The following NIPAL2 variants were observed in gnomAD, a reference collection of about 807,000 sequenced individuals.
The protein encoded by NIPAL2 is NIPA like domain containing 2.
In NIPAL2, 43 loss-of-function variants were observed where a neutral mutation model predicts 48.9. The observed-to-expected ratio is 0.88, with a 90% CI of 0.69 to 1.13. The LOEUF (loss-of-function observed/expected upper bound fraction) is 1.13. Ranked by LOEUF, NIPAL2 falls within the 50% of genes most tolerant of loss-of-function variation. The pLI, the probability that NIPAL2 is intolerant of heterozygous loss-of-function variation, is 0.00. For missense variants in NIPAL2, 446 were observed against 461.4 expected (o/e 0.97, Z 0.31); for synonymous variants, 167 against 174.6 (o/e 0.96, Z 0.34).
chr8:98,220,797 A>G (rs1260688080), intron 5 of NIPAL2, among the ~76,000 whole-genome samples: 1 of 151,928 alleles, frequency 6.6e-6, no homozygotes, highest in Non-Finnish European at 1.5e-5. Context: ...TTCTTATTAC[A>G]TACCCTTCCT....
chr8:98,281,603 T>C (rs1346392908), intron 1 of NIPAL2, among the ~76,000 whole-genome samples: 2 of 152,154 alleles, frequency 1.3e-5, no homozygotes, highest in Admixed American at 1.3e-4. Flanking sequence ...ATGTACCCCA[T>C]AAATATGTGT....
intron 5 of NIPAL2, among the ~76,000 whole-genome samples, chr8:98,219,810 C>T (rs965837532): frequency 6.6e-6 from 1 of 152,180 alleles, no homozygotes; most frequent in African/African-American, 2.4e-5. Context: ...GGTGAGCCCC[C>T]TCCAGCCACA....
Position 98,236,162 on chromosome 8 carries a change from G to A in NIPAL2, c.429C>T (p.Asp143=). The change falls in exon 4 of 11, where the codon GAC becomes GAT. Residue 143 remains aspartate, a synonymous_variant. Transcript: ENST00000430223. ...AATTAAATAATTACTTACCGAGTAA[G>A]TCTGAGGCTCTCAAATTGTCTTTCA... is the stretch of plus-strand genomic sequence containing the variant. The part of the protein sequence containing the change: ...TFLKDNLRAS[D]LLGTTLAFAG... The A allele has an allele frequency of 6.3e-7, 1 of 1,594,202 alleles. No homozygotes were observed. The highest frequency in any genetic ancestry group is 8.6e-7 in the Non-Finnish European group (1 of 1,165,368).
intron 1 of NIPAL2, among the ~76,000 whole-genome samples, chr8:98,282,842 G>A (rs528067102): frequency 2.0e-5 from 3 of 152,234 alleles, no homozygotes; most frequent in African/African-American, 2.4e-5. Context: ...AACACAAACC[G>A]AGTTAAAACT....
chr8:98,214,428 T>G (rs6995263), intron 5 of NIPAL2, among the ~76,000 whole-genome samples: 19,855 of 152,228 alleles, frequency 0.13, 1,419 homozygotes, highest in Non-Finnish European at 0.16. Context: ...CCTCCCAAAG[T>G]GCTGGGATTA....
chr8:98,266,687 A>G (rs559755221), intron 1 of NIPAL2, among the ~76,000 whole-genome samples: 2 of 152,288 alleles, frequency 1.3e-5, no homozygotes, highest in African/African-American at 4.8e-5. Context: ...AATTCACTTG[A>G]AAATTCTGAA....
rs866012377 is a variant in NIPAL2 at position 98,276,304 on chromosome 8, T to G, written c.135+17699A>C. On this transcript the variant is annotated intron_variant, in intron 1 of 10. Coordinates refer to ENST00000430223, the MANE Select transcript of NIPAL2 (RefSeq NM_001321635.2). ...CTGATCTTTTTACTGTCTCTATAGTTTTGTCTTTTCTAAAATATTATATAG... is the reference window on the plus strand; with the variant it reads ...CTGATCTTTTTACTGTCTCTATAGTGTTGTCTTTTCTAAAATATTATATAG... Among the ~76,000 whole-genome samples the G allele has an allele frequency of 2.6e-5, 4 of 152,318 alleles. 1 individual carries two copies. Among genetic ancestry groups the G allele is most frequent in the African/African-American group, 2.4e-5 (1 of 41,574 alleles).
rs1330394687 is a variant in NIPAL2 at position 98,205,139 on chromosome 8, T to A, written c.763A>T (p.Met255Leu). The A allele has an allele frequency of 6.2e-7, 1 of 1,613,688 alleles. No homozygotes were observed. The highest frequency in any genetic ancestry group is 1.3e-5 in the African/African-American group (1 of 74,922). ...YPIFYIMFII[M>L]IASCVFQVKF... ...ACTTGGAAAACACAAGATGCTATCATGATGATAAACATGATATAGAAAATG... is the reference window on the plus strand; with the variant it reads ...ACTTGGAAAACACAAGATGCTATCAAGATGATAAACATGATATAGAAAATG... The change falls in exon 7 of 11, where the codon ATG (methionine) becomes TTG (leucine). Residue 255 changes from methionine (M) to leucine (L), a missense_variant. Coordinates refer to ENST00000430223, the MANE Select transcript of NIPAL2 (RefSeq NM_001321635.2).
chr8:98,270,297 A>T (rs1815048422), intron 1 of NIPAL2, among the ~76,000 whole-genome samples: 1 of 152,178 alleles, frequency 6.6e-6, no homozygotes, highest in Non-Finnish European at 1.5e-5. Context: ...TTACATCCCC[A>T]CTAACCATAC....
intron 10 of NIPAL2, chr8:98,193,306 C>T: frequency 6.6e-7 from 1 of 1,513,162 alleles, no homozygotes; most frequent in Non-Finnish European, 9.2e-7. Flanking sequence ...AGCCACTATC[C>T]CCACCCCACA....
chr8:98,221,373 T>TAATAAAAAAA (rs1811870202), intron 5 of NIPAL2, among the ~76,000 whole-genome samples: 2 of 151,786 alleles, frequency 1.3e-5, no homozygotes, highest in Admixed American at 6.6e-5. Context: ...CTTTTTTTTT[T>TAATAAAAAAA]TTAAATAAAT....
At chr8:98,269,162 C>T (rs752984382) in intron 1 of NIPAL2, among the ~76,000 whole-genome samples, 2 of 152,116 alleles carry the variant, frequency 1.3e-5, no homozygotes, top group Non-Finnish European at 1.5e-5. Flanking sequence ...AAGTCAACCA[C>T]GAGGGTTGGA....
chr8:98,293,971 C>T (rs1205644233), intron 1 of NIPAL2, 32 bp downstream of exon 1: 1 of 1,410,016 alleles, frequency 7.1e-7, no homozygotes, highest in Non-Finnish European at 9.3e-7. Context: ...CGCGTCCCCA[C>T]CGGGCTGCGG....
chr8:98,206,764 G>A (rs1586306431), intron 6 of NIPAL2, among the ~76,000 whole-genome samples: 1 of 141,052 alleles, frequency 7.1e-6, no homozygotes, highest in African/African-American at 2.7e-5. Context: ...GTGACAGACC[G>A]AGACTCTGTC....
At chr8:98,267,077 T>C (rs1275530920) in intron 1 of NIPAL2, among the ~76,000 whole-genome samples, 1 of 152,198 alleles carries the variant, frequency 6.6e-6, no homozygotes, top group Non-Finnish European at 1.5e-5. Context: ...ATGCACCAAC[T>C]TTATGATATG....
At chr8:98,270,918 G>T (rs1196851146) in intron 1 of NIPAL2, among the ~76,000 whole-genome samples, 1 of 152,090 alleles carries the variant, frequency 6.6e-6, no homozygotes, top group Non-Finnish European at 1.5e-5. Context: ...TTCTGCATTT[G>T]GTTAGCCAGT....
At chr8:98,244,587 A>AGGGTGGGCTGTGGTGATGAGG (rs1813197966) in intron 3 of NIPAL2, among the ~76,000 whole-genome samples, 1 of 11,142 alleles carries the variant, frequency 9.0e-5, no homozygotes, top group Non-Finnish European at 1.6e-4. Flanking sequence ...TGGTGATGAG[A>AGGGTGGGCTGTGGTGATGAGG]GGGTGGGCTG....
chr8:98,244,224 G>A (rs1200592517), intron 3 of NIPAL2, among the ~76,000 whole-genome samples: 6 of 148,956 alleles, frequency 4.0e-5, no homozygotes, highest in African/African-American at 1.5e-4. Flanking sequence ...TGAGGGGGGT[G>A]TGGGCCACAG....
At chr8:98,253,690 C>T (rs1415292262) in intron 2 of NIPAL2, among the ~76,000 whole-genome samples, 1 of 152,118 alleles carries the variant, frequency 6.6e-6, no homozygotes, top group Non-Finnish European at 1.5e-5. Flanking sequence ...GGGGTAAAGG[C>T]TATGGAAGAA....
Sources: gnomAD v4.1 joint callset for allele counts (sites outside exome capture counted in the v4.1 genomes callset) on GRCh38, gnomAD v4.1.1 for gene constraint, MANE v1.5 for transcripts, NCBI Gene and HGNC (gene_info 2026-07-23, HGNC 2026-07-21) for gene names.